KAT6B: variants seen among roughly 807,000 people sequenced by gnomAD.
The protein encoded by KAT6B is histone acetyltransferase KAT6B.
In KAT6B, 10 loss-of-function variants were observed where a neutral mutation model predicts 187.5. The observed-to-expected ratio is 0.05, with a 90% CI of 0.03 to 0.09. The LOEUF is 0.09. Among genes scored for constraint, KAT6B ranks in the 10% least tolerant of loss-of-function variants. The pLI is 1.00. For synonymous variants in KAT6B, 861 were observed against 926.8 expected (o/e 0.93, Z 1.29); for missense variants, 1,952 against 2,558.9 (o/e 0.76, Z 5.12).
At chr10:74,984,101 C>T (rs1023615599) in intron 11 of KAT6B, 3 of 152,138 alleles carry the variant, frequency 2.0e-5, no homozygotes, top group African/African-American at 7.2e-5. Flanking sequence ...TGTAAACTTC[C>T]TTTAATTAAA....
Position 74,972,546 on chromosome 10 carries a change from G to A in KAT6B, c.968G>A (p.Gly323Glu), listed in dbSNP as rs1841912072. Residue 323 changes from glycine (G) to glutamate (E), a missense_variant, in exon 7 of 18, where the codon GGA becomes GAA. Physicochemically the swap from Gly to Glu is moderately conservative, Grantham distance 98. Coordinates refer to ENST00000287239, the MANE Select transcript of KAT6B (RefSeq NM_012330.4). ...CAAGTCTGCAGACCAAAGAAAAAGG[G>A]AAGAAAACTACTTCATGAGAAAGCT... Reference protein sequence around the residue: ...ICQVCRPKKKGRKLLHEKAAQ... With the variant: ...ICQVCRPKKKERKLLHEKAAQ... 2 of 1,602,884 alleles carry A rather than the reference G, an allele frequency of 1.2e-6. No individual in the cohort carries two copies. Among genetic ancestry groups the A allele is most frequent in the Non-Finnish European group, 1.7e-6 (2 of 1,172,458 alleles).
intron 13 of KAT6B, among the ~76,000 whole-genome samples, chr10:75,008,957 A>T (rs186113440): frequency 9.9e-5 from 15 of 152,282 alleles, no homozygotes; most frequent in African/African-American, 3.6e-4. Context: ...TCTGTATCTC[A>T]ATCTCCATTC....
Position 75,020,731 on chromosome 10 carries a change from A to G in KAT6B, c.2779A>G (p.Ile927Val), listed in dbSNP as rs773149607. 13 of 1,614,118 alleles carry G rather than the reference A, an allele frequency of 8.1e-6. No homozygotes were observed. Among genetic ancestry groups the G allele is most frequent in the African/African-American group, 5.3e-5 (4 of 74,942 alleles). The change falls in exon 14 of 18, where the codon ATT becomes GTT. Residue 927 changes from isoleucine to valine, a missense_variant. Ile to Val is a conservative substitution (Grantham distance 29, BLOSUM62 3). This residue lies in a region of KAT6B where 758 missense variants were observed against 891.4 expected (regional missense o/e 0.85). Transcript: ENST00000287239. ...TGAGAGGCACATCAGCATCAAGGCAATTAGCAGAGCGACGGGCATGTGCCC... is the reference window on the plus strand; with the variant it reads ...TGAGAGGCACATCAGCATCAAGGCAGTTAGCAGAGCGACGGGCATGTGCCC... Reference protein sequence around the residue: ...HHERHISIKAISRATGMCPHD... With the variant: ...HHERHISIKAVSRATGMCPHD...
Position 75,028,624 on chromosome 10 carries a change from C to G in KAT6B, c.3800C>G (p.Thr1267Ser), listed in dbSNP as rs565994476. Reference sequence around the variant, plus strand: ...TGGAGGCAAAACAAAGAGAGGAAGACCGGATTTAAACTGAATTTGTACACC... The same window carrying G: ...TGGAGGCAAAACAAAGAGAGGAAGAGCGGATTTAAACTGAATTTGTACACC... ...SKWRQNKERK[T>S]GFKLNLYTPP... The change falls in exon 18 of 18, where the codon ACC (threonine) becomes AGC (serine). Residue 1267 changes from threonine (T) to serine (S), a missense_variant. Around this residue, in one of 9 missense-constraint regions of KAT6B, gnomAD observed 758 missense variants for 891.4 expected, o/e 0.85. Transcript: ENST00000287239. 2 of 1,614,122 alleles carry G rather than the reference C, an allele frequency of 1.2e-6. No individual in the cohort carries two copies. The highest frequency in any genetic ancestry group is 3.3e-5 in the Admixed American group (2 of 60,008).
At chr10:74,909,315 G>A (rs1325176099) in intron 3 of KAT6B, among the ~76,000 whole-genome samples, 1 of 152,254 alleles carries the variant, frequency 6.6e-6, no homozygotes, top group Non-Finnish European at 1.5e-5. Context: ...AGGTTGCAGT[G>A]AGCTGAGATC....
Position 74,908,564 on chromosome 10 carries a change from A to G in KAT6B, c.622-51406A>G, listed in dbSNP as rs1024385385. On this transcript the variant is annotated intron_variant, in intron 3 of 17. Transcript: ENST00000287239. ...GACCCCGTCTCAAAAAAAAAAAAAAAAAAGAAAGAGAAATAAACTCCTTTT... is the reference window on the plus strand; with the variant it reads ...GACCCCGTCTCAAAAAAAAAAAAAAGAAAGAAAGAGAAATAAACTCCTTTT... Among the ~76,000 whole-genome samples the G allele has an allele frequency of 7.9e-5, 12 of 151,930 alleles. No individual in the cohort carries two copies. The East Asian group carries it at 1.2e-3, about 15-fold the overall frequency.
intron 3 of KAT6B, among the ~76,000 whole-genome samples, chr10:74,956,445 T>C (rs1840700770): frequency 6.6e-6 from 1 of 152,198 alleles, no homozygotes; most frequent in Non-Finnish European, 1.5e-5. Flanking sequence ...TTTTTAATAG[T>C]TTTAAAAACC....
chr10:75,001,694 AAG>A (rs1161016872), intron 13 of KAT6B, among the ~76,000 whole-genome samples: 1 of 152,036 alleles, frequency 6.6e-6, no homozygotes, highest in East Asian at 1.9e-4. Context: ...AGTGAAACTT[AAG>A]AGTGTTTTTA....
intron 3 of KAT6B, among the ~76,000 whole-genome samples, chr10:74,868,918 T>C (rs1007773922): frequency 1.3e-5 from 2 of 152,226 alleles, no homozygotes; most frequent in African/African-American, 4.8e-5. Flanking sequence ...GTCCAGGGCC[T>C]TCAGACTCTC....
intron 1 of KAT6B, among the ~76,000 whole-genome samples, chr10:74,830,744 A>ATATATATATATATATATATG (rs1840706255): frequency 6.7e-5 from 1 of 15,030 alleles, no homozygotes; most frequent in African/African-American, 7.1e-4. Context: ...ATATATATAT[A>ATATATATATATATATATATG]TATATATATA....
Position 74,831,224 on chromosome 10 carries a change from A to T in KAT6B, c.-329+4439A>T, listed in dbSNP as rs901839344. On this transcript the variant is annotated intron_variant, in intron 1 of 17. Coordinates refer to ENST00000287239, the MANE Select transcript of KAT6B (RefSeq NM_012330.4). ...TAGAAGTTCTTTATTTACTGTGAAT[A>T]CAAGTCCTTTGTCATGTGTGTGTGT... Among the ~76,000 whole-genome samples, 10 of 152,274 alleles carry T rather than the reference A, an allele frequency of 6.6e-5. No homozygotes were observed. The East Asian group carries it at 1.5e-3, about 23-fold the overall frequency.
intron 7 of KAT6B, among the ~76,000 whole-genome samples, chr10:74,974,192 T>G (rs1842017979): frequency 6.6e-6 from 1 of 152,196 alleles, no homozygotes; most frequent in African/African-American, 2.4e-5. Context: ...CTTGGCTGAA[T>G]TGGTGGTGCC....
intron 1 of KAT6B, among the ~76,000 whole-genome samples, chr10:74,830,584 T>A (rs1840677766): frequency 6.6e-6 from 1 of 151,146 alleles, no homozygotes; most frequent in African/African-American, 2.4e-5. Context: ...TCTTCTAAAG[T>A]ATTGTACCAG....
chr10:75,029,216 G>A lies in KAT6B; in HGVS notation c.4392G>A (p.Val1464=), dbSNP rs748148457. ...AGGAGACTTTTTTAGACCTTAATGT[G>A]CAGCCTGGTCACTCGAACCCAGAGG... The part of the protein sequence containing the change: ...ENQETFLDLN[V]QPGHSNPEVL... Residue 1464 remains valine, a synonymous_variant, in exon 18 of 18, where the codon GTG becomes GTA. Transcript: ENST00000287239. This position sits in a 1 kb window ranked among gnomAD's most constrained non-coding sequence, Gnocchi z 6.2. 2.6e-5 allele frequency: 42 copies of A among 1,613,984 alleles called. No homozygotes were observed. The Admixed American group carries it at 7.0e-4, about 27-fold the overall frequency.
intron 3 of KAT6B, among the ~76,000 whole-genome samples, chr10:74,897,175 GA>G: frequency 1.3e-5 from 2 of 152,240 alleles, no homozygotes; most frequent in South Asian, 4.1e-4. Context: ...AGATTTCAGA[GA>G]GCCCTTTTTG....
At chr10:74,830,769 T>TATATGTATATATATATA (rs58702000) in intron 1 of KAT6B, among the ~76,000 whole-genome samples, 1 of 7,738 alleles carries the variant, frequency 1.3e-4, no homozygotes, top group African/African-American at 3.6e-4. Context: ...TATATATATA[T>TATATGTATATATATATA]TTTTTTTTTT....
At chr10:74,926,794 T>G (rs1444598430) in intron 3 of KAT6B, among the ~76,000 whole-genome samples, 1 of 152,228 alleles carries the variant, frequency 6.6e-6, no homozygotes. Flanking sequence ...TGAGTGAATG[T>G]ATCCATTTAA....
intron 3 of KAT6B, among the ~76,000 whole-genome samples, chr10:74,928,353 C>A (rs2094248161): frequency 6.6e-6 from 1 of 152,154 alleles, no homozygotes; most frequent in Admixed American, 6.5e-5. Flanking sequence ...AGTCCCCTCT[C>A]TCAAGAAACT....
chr10:74,831,364 T>G (rs1444104181), intron 1 of KAT6B, among the ~76,000 whole-genome samples: 1 of 152,218 alleles, frequency 6.6e-6, no homozygotes, highest in Non-Finnish European at 1.5e-5. Flanking sequence ...TAGTGCCTTT[T>G]GTGTCTTGTT....
Sources: gnomAD v4.1 joint callset for allele counts (sites outside exome capture counted in the v4.1 genomes callset) on GRCh38, gnomAD v4.1.1 for gene constraint, gnomAD v4.1.1 regional missense constraint, Gnocchi (gnomAD v3.1) non-coding constraint, MANE v1.5 for transcripts, NCBI Gene and HGNC (gene_info 2026-07-23, HGNC 2026-07-21) for gene names.